C1QL3: variants seen among roughly 807,000 people sequenced by gnomAD.
C1QL3 encodes complement C1q-like protein 3.
A neutral mutation model predicts 16.6 loss-of-function variants in C1QL3; 4 were observed. That is an observed-to-expected ratio of 0.24 (90% CI 0.12 to 0.55). C1QL3 has a LOEUF of 0.55. Ranked by LOEUF, C1QL3 falls within the 20% of genes least tolerant of loss-of-function variation. C1QL3 has a pLI of 0.94. For missense variants in C1QL3, 269 were observed against 365.6 expected (o/e 0.74, Z 2.16); for synonymous variants, 189 against 160.2 (o/e 1.18, Z -1.36).
At position 16,521,273 on chromosome 10, in the gene C1QL3, G is replaced by A. The variant is rs1023055578; in HGVS notation, c.-208C>T. ...GCTGCCGACTCCTGCTCCCCCCGCG[G>A]AGGCTGCGGCTGGGGAGGGAGCGCG... On this transcript the variant is annotated 5_prime_UTR_variant, in exon 1 of 2. Coordinates refer to ENST00000298943, the MANE Select transcript of C1QL3 (RefSeq NM_001010908.2). 8 of 529,564 alleles carry A rather than the reference G, an allele frequency of 1.5e-5. No individual in the cohort carries two copies. Among genetic ancestry groups the A allele is most frequent in the Non-Finnish European group, 2.0e-5 (6 of 304,654 alleles). The allele number at this position is 529,564 out of a possible 1,614,324, so 32.8% of individuals were successfully genotyped here. A position where few individuals can be genotyped will look rare whatever the true frequency, so the allele number is the denominator to read the frequency against.
Position 16,519,140 on chromosome 10 carries a change from C to CTT in C1QL3, c.588+1336_588+1337dup, listed in dbSNP as rs567187339. ...TTTTTTCTCTCTTACGCATTTAGGA[C>CTT]TTTTTTTTTTTTTTTTTTGGTCTTT... is the stretch of plus-strand genomic sequence containing the variant. On this transcript the variant is annotated intron_variant, in intron 1 of 1. Transcript: ENST00000298943. Among the ~76,000 whole-genome samples the CTT allele has an allele frequency of 7.9e-4, 31 of 39,462 alleles. 5 individuals carry two copies. Among genetic ancestry groups the CTT allele is most frequent in the South Asian group, 2.8e-3 (2 of 708 alleles). The allele number at this position is 39,462 out of a possible 152,430, so 25.9% of individuals were successfully genotyped here. A position where few individuals can be genotyped will look rare whatever the true frequency, so the allele number is the denominator to read the frequency against.
At chr10:16,516,291 C>T (rs6602130) in intron 1 of C1QL3, among the ~76,000 whole-genome samples, 88,909 of 151,964 alleles carry the variant, frequency 0.59, 26,713 homozygotes, top group African/African-American at 0.73. Flanking sequence ...TAAATAATGA[C>T]GCAGTTTGAC....
Sources: gnomAD v4.1 joint callset for allele counts (sites outside exome capture counted in the v4.1 genomes callset) on GRCh38, gnomAD v4.1.1 for gene constraint, MANE v1.5 for transcripts, NCBI Gene and HGNC (gene_info 2026-07-23, HGNC 2026-07-21) for gene names.